PDE4B: variants seen among roughly 807,000 people sequenced by gnomAD.
The protein encoded by PDE4B is phosphodiesterase 4B.
In PDE4B, 20 loss-of-function variants were observed where a neutral mutation model predicts 82.2. The ratio of observed to expected loss-of-function variants is 0.24; its 90% confidence interval spans 0.17 to 0.35. The LOEUF is 0.35. Among genes scored for constraint, PDE4B ranks in the 10% least tolerant of loss-of-function variants. PDE4B has a pLI of 1.00. For missense variants in PDE4B, 655 were observed against 907.2 expected, an observed-to-expected ratio of 0.72 and a Z score of 3.57; for synonymous variants, 320 against 318.9, an observed-to-expected ratio of 1.00 and a Z score of -0.04.
chr1:66,207,237 A>C (rs1197443925), intron 3 of PDE4B, among the ~76,000 whole-genome samples: 1 of 152,178 alleles, frequency 6.6e-6, no homozygotes, highest in Admixed American at 6.5e-5. Flanking sequence ...TTCAAGTGCC[A>C]TTATTTCTTA....
rs76915396 is a variant in PDE4B at position 66,274,065 on chromosome 1, C to T, written c.634+7978C>T. 8.2e-3 allele frequency among the ~76,000 whole-genome samples: 1,243 copies of T among 152,298 alleles called. 45 individuals carry two copies. In the East Asian group the frequency reaches 0.11, roughly 14 times the overall value. ...CATTGTGCTTGCCACAAAGTAGGCACTCAAGTAGCATATTGAATGGAATTG... is the reference window on the plus strand; with the variant it reads ...CATTGTGCTTGCCACAAAGTAGGCATTCAAGTAGCATATTGAATGGAATTG... On this transcript the variant is annotated intron_variant, in intron 7 of 16. Coordinates refer to ENST00000341517, the MANE Select transcript of PDE4B (RefSeq NM_002600.4).
At chr1:66,227,478 G>C (rs1651546932) in intron 3 of PDE4B, among the ~76,000 whole-genome samples, 1 of 152,100 alleles carries the variant, frequency 6.6e-6, no homozygotes. Context: ...GCTAAACAAA[G>C]TGTCCAGAAA....
At chr1:66,025,949 A>C (rs1325322726) in intron 3 of PDE4B, among the ~76,000 whole-genome samples, 4 of 152,356 alleles carry the variant, frequency 2.6e-5, no homozygotes, top group Non-Finnish European at 4.4e-5. Flanking sequence ...TCAATTTTGA[A>C]GAATCTCATC....
chr1:66,041,426 C>T (rs567435741), intron 3 of PDE4B, among the ~76,000 whole-genome samples: 6 of 152,042 alleles, frequency 3.9e-5, no homozygotes, highest in Admixed American at 1.3e-4. Context: ...TCAAGTTTTT[C>T]GTCATTACAA....
At chr1:66,119,260 C>T (rs1645659613) in intron 3 of PDE4B, among the ~76,000 whole-genome samples, 2 of 152,270 alleles carry the variant, frequency 1.3e-5, no homozygotes, top group South Asian at 2.1e-4. Flanking sequence ...CTCTTTACCA[C>T]GTAATTTGTG....
chr1:65,941,086 G>C lies in PDE4B; in HGVS notation c.281+22251G>C, dbSNP rs531117261. On this transcript the variant is annotated intron_variant, in intron 3 of 16. Transcript: ENST00000341517. ...CATTCTTAAGGATGATGGGAAGACA[G>C]AGGTTTGAATGTTATCTTACTTCTT... Among the ~76,000 whole-genome samples the C allele has an allele frequency of 7.9e-5, 12 of 152,018 alleles. No individual in the cohort carries two copies. The South Asian group carries it at 8.3e-4, about 10-fold the overall frequency.
At chr1:66,190,475 G>A (rs1236635296) in intron 3 of PDE4B, among the ~76,000 whole-genome samples, 1 of 152,144 alleles carries the variant, frequency 6.6e-6, no homozygotes, top group East Asian at 1.9e-4. Context: ...GCTGTGGTGG[G>A]CTCCACCCAG....
At chr1:66,216,077 G>A (rs549618306) in intron 3 of PDE4B, among the ~76,000 whole-genome samples, 4 of 152,108 alleles carry the variant, frequency 2.6e-5, no homozygotes, top group African/African-American at 9.7e-5. Context: ...TTGATTTTAT[G>A]TGTCAATTGA....
At chr1:65,981,347 C>T (rs375590021) in intron 3 of PDE4B, among the ~76,000 whole-genome samples, 5 of 151,986 alleles carry the variant, frequency 3.3e-5, no homozygotes, top group Admixed American at 6.5e-5. Flanking sequence ...TGCATTCAGG[C>T]GAAATTATTT....
chr1:66,021,535 C>T (rs982581785), intron 3 of PDE4B, among the ~76,000 whole-genome samples: 5 of 152,102 alleles, frequency 3.3e-5, no homozygotes, highest in South Asian at 4.1e-4. Context: ...TTCTATATAT[C>T]GCTAGGCAGT....
At chr1:66,247,875 A>G (rs2101676699) in intron 4 of PDE4B, among the ~76,000 whole-genome samples, 1 of 152,348 alleles carries the variant, frequency 6.6e-6, no homozygotes, top group South Asian at 2.1e-4. Context: ...ACCTAGACAC[A>G]GTGTTTACTT....
At chr1:65,972,954 C>G (rs1359543003) in intron 3 of PDE4B, among the ~76,000 whole-genome samples, 1 of 152,118 alleles carries the variant, frequency 6.6e-6, no homozygotes, top group Non-Finnish European at 1.5e-5. Flanking sequence ...AATAATTTGT[C>G]TTGAATGTTT....
At chr1:66,266,841 T>C in intron 7 of PDE4B, 1 of 375,474 alleles carries the variant, frequency 2.7e-6, no homozygotes, top group Admixed American at 3.8e-5. Context: ...ATCTGTTCCC[T>C]ACTAATGTAG....
chr1:66,187,001 A>G (rs575930394), intron 3 of PDE4B, among the ~76,000 whole-genome samples: 1 of 152,306 alleles, frequency 6.6e-6, no homozygotes, highest in African/African-American at 2.4e-5. Context: ...ATTTTGAGAT[A>G]TGTCCCATCA....
At chr1:65,939,153 A>G (rs1310796111) in intron 3 of PDE4B, among the ~76,000 whole-genome samples, 2 of 152,142 alleles carry the variant, frequency 1.3e-5, no homozygotes, top group African/African-American at 4.8e-5. Flanking sequence ...ATAAGGGTAT[A>G]GAAGAGAACC....
intron 3 of PDE4B, among the ~76,000 whole-genome samples, chr1:66,099,476 G>A (rs1321185443): frequency 1.3e-5 from 2 of 152,016 alleles, no homozygotes; most frequent in African/African-American, 4.8e-5. Flanking sequence ...CACTTAATGT[G>A]TTTTTGGTAG....
intron 3 of PDE4B, among the ~76,000 whole-genome samples, chr1:65,971,891 A>C (rs886475879): frequency 6.6e-6 from 1 of 152,224 alleles, no homozygotes; most frequent in Admixed American, 6.5e-5. Flanking sequence ...GAGCATCATT[A>C]TCAATAATGA....
At chr1:66,108,389 A>T (rs1645415555) in intron 3 of PDE4B, among the ~76,000 whole-genome samples, 1 of 152,040 alleles carries the variant, frequency 6.6e-6, no homozygotes, top group Admixed American at 6.6e-5. Flanking sequence ...ATAATGGGCA[A>T]AGATTTTCTG....
At chr1:65,963,186 C>T (rs1649635169) in intron 3 of PDE4B, among the ~76,000 whole-genome samples, 1 of 152,178 alleles carries the variant, frequency 6.6e-6, no homozygotes, top group Non-Finnish European at 1.5e-5. Flanking sequence ...ACCCCCTGCC[C>T]CCACCTTTAT....
Sources: allele counts gnomAD v4.1 joint callset (sites outside exome capture counted in the v4.1 genomes callset), GRCh38; gene constraint gnomAD v4.1.1; transcripts MANE v1.5; gene names NCBI Gene and HGNC (gene_info 2026-07-23, HGNC 2026-07-21).